The following LHX2 variants were observed in gnomAD, a reference collection of about 807,000 sequenced individuals.
LHX2 encodes the protein LIM/homeobox protein Lhx2.
In LHX2, 6 loss-of-function variants were observed where a neutral mutation model predicts 33.0. That is an observed-to-expected ratio of 0.18 (90% CI 0.10 to 0.36). The LOEUF is 0.36. LHX2 is among the 10% of genes least tolerant of loss of function. The probability of loss-of-function intolerance (pLI) is 1.00; values close to 1 mark genes in which losing one functional copy is unlikely to be tolerated. For synonymous variants in LHX2, 292 were observed against 253.1 expected, an observed-to-expected ratio of 1.15 and a Z score of -1.46; for missense variants, 442 against 586.2, an observed-to-expected ratio of 0.75 and a Z score of 2.54.
chr9:124,032,292 G>C lies in LHX2; in HGVS notation c.934-128G>C. On this transcript the variant is annotated intron_variant, in intron 4 of 4. Coordinates refer to ENST00000373615, the MANE Select transcript of LHX2 (RefSeq NM_004789.4). This position sits in a 1 kb window ranked among gnomAD's most constrained non-coding sequence, Gnocchi z 4.1. ...CAAAAAAGCAAAATATTGCCAACCT[G>C]ACTTTTTGGATCCTCTTGGCAAAAC... 8.4e-7 allele frequency: 1 copy of C among 1,184,168 alleles called. No homozygotes were observed. Among genetic ancestry groups the C allele is most frequent in the South Asian group, 1.7e-5 (1 of 58,296 alleles). 73.4% of individuals were successfully genotyped at this position (1,184,168 alleles called of 1,614,324 possible).
intron 3 of LHX2, among the ~76,000 whole-genome samples, chr9:124,018,371 C>T (rs1311930910): frequency 6.6e-6 from 1 of 151,904 alleles, no homozygotes; most frequent in African/African-American, 2.4e-5. Flanking sequence ...GACCCGCCCC[C>T]GGGCACTGGG....
intron 3 of LHX2, among the ~76,000 whole-genome samples, chr9:124,019,510 T>C (rs1859254786): frequency 6.6e-6 from 1 of 152,218 alleles, no homozygotes; most frequent in Non-Finnish European, 1.5e-5. Flanking sequence ...GTAGTATAAG[T>C]GTCCCGTGTA....
intron 4 of LHX2, among the ~76,000 whole-genome samples, chr9:124,030,871 G>C (rs911541573): frequency 6.6e-6 from 1 of 152,064 alleles, no homozygotes; most frequent in Non-Finnish European, 1.5e-5. Flanking sequence ...GACCTCAAGT[G>C]ATCCACCTGC....
chr9:124,019,100 G>T (rs1859247595), intron 3 of LHX2, among the ~76,000 whole-genome samples: 1 of 152,248 alleles, frequency 6.6e-6, no homozygotes, highest in Non-Finnish European at 1.5e-5. Context: ...AGCAGTTCTG[G>T]TGGATCAGGT....
At chr9:124,027,959 A>C (rs1182807001) in intron 4 of LHX2, among the ~76,000 whole-genome samples, 1 of 152,148 alleles carries the variant, frequency 6.6e-6, no homozygotes, top group Admixed American at 6.5e-5. Context: ...CCCCTGTGGC[A>C]TCGTGGAGTG....
At chr9:124,027,290 G>T (rs2055031) in intron 4 of LHX2, among the ~76,000 whole-genome samples, 72,612 of 151,974 alleles carry the variant, frequency 0.48, 17,450 homozygotes, top group Admixed American at 0.56. Context: ...AAAAAAAACC[G>T]TACCCTTCTA....
In LHX2 at chr9:124,014,457, C is replaced by T. The variant is rs1197806609; in HGVS notation, c.323+294C>T. Among the ~76,000 whole-genome samples, 2 of 152,202 alleles carry T rather than the reference C, an allele frequency of 1.3e-5. No homozygotes were observed. The highest frequency in any genetic ancestry group is 1.9e-4 in the East Asian group (1 of 5,182). On this transcript the variant is annotated intron_variant, in intron 2 of 4. Coordinates refer to ENST00000373615, the MANE Select transcript of LHX2 (RefSeq NM_004789.4). This position sits in a 1 kb window ranked among gnomAD's most constrained non-coding sequence, Gnocchi z 4.8. ...AAAGCTTGAGTTGGGATCCTTGCTC[C>T]CCTCTCTCTTTGAAGTTTCTTGAGT... is the stretch of plus-strand genomic sequence containing the variant.
chr9:124,029,226 T>C (rs559275342), intron 4 of LHX2, among the ~76,000 whole-genome samples: 1 of 152,320 alleles, frequency 6.6e-6, no homozygotes, highest in East Asian at 1.9e-4. Flanking sequence ...CAGTGCATGC[T>C]GGAGGGTGGC....
At position 124,014,035 on chromosome 9, in the gene LHX2, C is replaced by T; in HGVS notation, c.195C>T (p.Tyr65=). 6.2e-7 allele frequency: 1 copy of T among 1,613,670 alleles called. No individual in the cohort carries two copies. Among genetic ancestry groups the T allele is most frequent in the African/African-American group, 1.3e-5 (1 of 75,082 alleles). Residue 65 remains tyrosine, a synonymous_variant, in exon 2 of 5, where the codon TAC becomes TAT. Coordinates refer to ENST00000373615, the MANE Select transcript of LHX2 (RefSeq NM_004789.4). This position sits in a 1 kb window ranked among gnomAD's most constrained non-coding sequence, Gnocchi z 4.8. ...GGGGCAAGATCTCGGACCGCTACTA[C>T]CTGCTGGCGGTGGACAAGCAGTGGC... The part of the protein sequence containing the change: ...GCGGKISDRY[Y]LLAVDKQWHM...
chr9:124,032,858 G>A lies in LHX2; in HGVS notation c.*151G>A, dbSNP rs182696516. ...ACAGAGGTAAAAAAAAGAAGTGTGC[G>A]CCCGGCTAATGCAGCGGTGTGGACC... On this transcript the variant is annotated 3_prime_UTR_variant, in exon 5 of 5. Coordinates refer to ENST00000373615, the MANE Select transcript of LHX2 (RefSeq NM_004789.4). This position sits in a 1 kb window ranked among gnomAD's most constrained non-coding sequence, Gnocchi z 4.1. The A allele has an allele frequency of 5.7e-4, 488 of 853,784 alleles. 3 individuals carry two copies. The highest frequency in any genetic ancestry group is 4.2e-3 in the Middle Eastern group (17 of 4,042). The allele number at this position is 853,784 out of a possible 1,614,324, so 52.9% of individuals were successfully genotyped here.
chr9:124,029,097 G>A (rs1449351990), intron 4 of LHX2, among the ~76,000 whole-genome samples: 1 of 151,868 alleles, frequency 6.6e-6, no homozygotes, highest in African/African-American at 2.4e-5. Flanking sequence ...GGGTGACAGA[G>A]CAAGACTCTG....
Position 124,021,084 on chromosome 9 carries a change from G to A in LHX2, c.728-15G>A. 2 of 1,613,390 alleles carry A rather than the reference G, an allele frequency of 1.2e-6. No homozygotes were observed. Among genetic ancestry groups the A allele is most frequent in the Non-Finnish European group, 1.7e-6 (2 of 1,179,578 alleles). On this transcript the variant is annotated splice_polypyrimidine_tract_variant and intron_variant, in intron 3 of 4. Coordinates refer to ENST00000373615, the MANE Select transcript of LHX2 (RefSeq NM_004789.4). ...GTCAGGAAGTTCACCCACCGGCTCT[G>A]TGTCTCCTCCCTAGCGCTAAGCTGC... is the stretch of plus-strand genomic sequence containing the variant.
intron 4 of LHX2, among the ~76,000 whole-genome samples, chr9:124,027,775 A>C (rs1055909577): frequency 2.0e-5 from 3 of 152,014 alleles, no homozygotes; most frequent in Non-Finnish European, 4.4e-5. Context: ...CTGAGATCGC[A>C]CTACTGTACT....
rs149024892 is a variant in LHX2 at position 124,031,094 on chromosome 9, G to A, written c.934-1326G>A. Among the ~76,000 whole-genome samples, 231 of 152,222 alleles carry A rather than the reference G, an allele frequency of 1.5e-3. 1 individual carries two copies. The highest frequency in any genetic ancestry group is 5.4e-3 in the African/African-American group (224 of 41,540). On this transcript the variant is annotated intron_variant, in intron 4 of 4. Transcript: ENST00000373615. Reference sequence around the variant, plus strand: ...GAGCTCAGCCCCAGCTCTGCGCCCCGCCGCACGTCCCTCATAAGTCGATAC... The same window carrying A: ...GAGCTCAGCCCCAGCTCTGCGCCCCACCGCACGTCCCTCATAAGTCGATAC...
At position 124,021,082 on chromosome 9, in the gene LHX2, C is replaced by G. The variant is rs1454418891; in HGVS notation, c.728-17C>G. ...GGGTCAGGAAGTTCACCCACCGGCT[C>G]TGTGTCTCCTCCCTAGCGCTAAGCT... On this transcript the variant is annotated splice_polypyrimidine_tract_variant and intron_variant, in intron 3 of 4. Transcript: ENST00000373615. 1.2e-6 allele frequency: 2 copies of G among 1,613,096 alleles called. No individual in the cohort carries two copies. The highest frequency in any genetic ancestry group is 2.2e-5 in the East Asian group (1 of 44,878).
rs1828713154 is a variant in LHX2, at chr9:124,032,388, G to A, written c.934-32G>A. ...CGGGGGGATGCTCTGCCTGCCTTCC[G>A]CTCACCAGCCCTTCCCTGTCGTCCC... On this transcript the variant is annotated intron_variant, in intron 4 of 4. Transcript: ENST00000373615. The surrounding 1 kb of genome is among the most constrained non-coding windows in gnomAD (Gnocchi z 4.1). 1.9e-6 allele frequency: 3 copies of A among 1,543,818 alleles called. No homozygotes were observed. Among genetic ancestry groups the A allele is most frequent in the Non-Finnish European group, 2.6e-6 (3 of 1,144,956 alleles).
At chr9:124,024,564 T>C (rs536532167) in intron 4 of LHX2, among the ~76,000 whole-genome samples, 2 of 152,332 alleles carry the variant, frequency 1.3e-5, no homozygotes, top group East Asian at 3.9e-4. Context: ...GAAATGGGGA[T>C]GAGAAGGATA....
At position 124,019,593 on chromosome 9, in the gene LHX2, A is replaced by G. The variant is rs149961183; in HGVS notation, c.728-1506A>G. ...CCTGTAGTATTTGAATTTCAGGTAA[A>G]CAACAAATACATTTTTAGTATAGGT... is the stretch of plus-strand genomic sequence containing the variant. On this transcript the variant is annotated intron_variant, in intron 3 of 4. Coordinates refer to ENST00000373615, the MANE Select transcript of LHX2 (RefSeq NM_004789.4). 5.5e-3 allele frequency among the ~76,000 whole-genome samples: 837 copies of G among 152,352 alleles called. 1 individual carries two copies. The highest frequency in any genetic ancestry group is 8.5e-3 in the South Asian group (41 of 4,826).
intron 4 of LHX2, among the ~76,000 whole-genome samples, chr9:124,023,918 C>G (rs920868885): frequency 1.3e-5 from 2 of 152,210 alleles, no homozygotes; most frequent in African/African-American, 4.8e-5. Flanking sequence ...GAAGGACCAA[C>G]CATGCTGTGT....
Sources: gnomAD v4.1 joint callset for allele counts (sites outside exome capture counted in the v4.1 genomes callset) on GRCh38, gnomAD v4.1.1 for gene constraint, Gnocchi (gnomAD v3.1) non-coding constraint, MANE v1.5 for transcripts, NCBI Gene and HGNC (gene_info 2026-07-23, HGNC 2026-07-21) for gene names.